Variants in NUP214 observed in about 807,000 individuals in gnomAD.
NUP214 encodes nuclear pore complex protein Nup214.
Under a neutral mutation model 196.2 loss-of-function variants are expected in NUP214, and 79 were observed. That is an observed-to-expected ratio of 0.40 (90% CI 0.34 to 0.49). The LOEUF is 0.49. NUP214 is among the 20% of genes least tolerant of loss of function. The pLI is 0.58. For missense variants in NUP214, 2,468 were observed against 2,539.0 expected (o/e 0.97, Z 0.60); for synonymous variants, 1,020 against 990.5 (o/e 1.03, Z -0.56).
rs551343822 is a variant in NUP214, at chr9:131,128,259, C to T, written c.242-73C>T. Reference sequence around the variant, plus strand: ...TGTAGATGCAAAAATTTTTTCACATCGAACTGGATAGAGGTTGTGGCTTTA... The same window carrying T: ...TGTAGATGCAAAAATTTTTTCACATTGAACTGGATAGAGGTTGTGGCTTTA... On this transcript the variant is annotated intron_variant, in intron 2 of 35. Transcript: ENST00000359428. 4.2e-6 allele frequency: 6 copies of T among 1,443,594 alleles called. No individual in the cohort carries two copies. The African/African-American group carries it at 5.7e-5, about 14-fold the overall frequency. The allele number at this position is 1,443,594 out of a possible 1,614,324, so 89.4% of individuals were successfully genotyped here.
chr9:131,185,854 C>T (rs996925610), intron 24 of NUP214, among the ~76,000 whole-genome samples: 4 of 152,106 alleles, frequency 2.6e-5, no homozygotes, highest in African/African-American at 9.7e-5. Flanking sequence ...ATAGAATTAT[C>T]ACAAATAAAT....
At chr9:131,224,801 C>T (rs1403723916) in intron 32 of NUP214, among the ~76,000 whole-genome samples, 1 of 152,154 alleles carries the variant, frequency 6.6e-6, no homozygotes, top group Admixed American at 6.5e-5. Flanking sequence ...AATGAAAGGG[C>T]CACAAGGCTT....
intron 30 of NUP214, 105 bp from the exon 31 acceptor site, chr9:131,215,107 T>C (rs1834353085): frequency 9.2e-7 from 1 of 1,082,172 alleles, no homozygotes; most frequent in South Asian, 2.3e-5. Flanking sequence ...TAATCTTGCT[T>C]TTTCCATTTG....
chr9:131,175,387 A>T (rs994782173), intron 22 of NUP214, 73 bp from the exon 23 acceptor site: 1 of 1,546,214 alleles, frequency 6.5e-7, no homozygotes, highest in African/African-American at 1.4e-5. Context: ...GAACATAAAG[A>T]ATTTACCAAT....
chr9:131,210,563 G>A (rs1312868417), intron 30 of NUP214, among the ~76,000 whole-genome samples: 1 of 150,900 alleles, frequency 6.6e-6, no homozygotes, highest in African/African-American at 2.5e-5. Context: ...GGAGGCAGAG[G>A]TTGTGGTGAG....
chr9:131,222,942 T>A lies in NUP214; in HGVS notation c.5902+12T>A, dbSNP rs767115891. On this transcript the variant is annotated intron_variant, in intron 32 of 35. Transcript: ENST00000359428. ...TCCAAACAAAACAGGTACTCCTATG[T>A]CTATTTGTTATGGTTATCTTTATAT... 7.4e-6 allele frequency: 12 copies of A among 1,611,238 alleles called. No homozygotes were observed. The African/African-American group carries it at 1.3e-4, about 18-fold the overall frequency.
At chr9:131,190,313 T>G in intron 26 of NUP214, 1 of 540,452 alleles carries the variant, frequency 1.9e-6, no homozygotes. Flanking sequence ...ATTGGAGAGG[T>G]TTTTGTCACT....
intron 23 of NUP214, among the ~76,000 whole-genome samples, chr9:131,175,971 C>T (rs906841734): frequency 2.0e-5 from 3 of 151,886 alleles, no homozygotes; most frequent in African/African-American, 7.3e-5. Flanking sequence ...ATAACACTAG[C>T]GTCATCTCTT....
chr9:131,185,845 T>A (rs574309677), intron 24 of NUP214, among the ~76,000 whole-genome samples: 1 of 152,324 alleles, frequency 6.6e-6, no homozygotes, highest in East Asian at 1.9e-4. Flanking sequence ...AGGAGATACA[T>A]AGAATTATCA....
rs554685715 is a variant in NUP214, at chr9:131,197,867, C to T, written c.4373C>T (p.Thr1458Ile). ...STVPPSAPPP[T>I]TAATPLPTSF... is the part of the protein sequence containing the mutation. Reference sequence around the variant, plus strand: ...GTGCCCCCATCTGCCCCACCACCAACTACAGCTGCCACTCCCCTTCCAACA... The same window carrying T: ...GTGCCCCCATCTGCCCCACCACCAATTACAGCTGCCACTCCCCTTCCAACA... Residue 1458 changes from threonine (T) to isoleucine (I), a missense_variant, in exon 29 of 36, where the codon ACT becomes ATT. By Grantham distance (89) the Thr-to-Ile change is moderately conservative. This residue lies in a region of NUP214 where 1,801 missense variants were observed against 1,779.4 expected (regional missense o/e 1.01). Transcript: ENST00000359428. 8.7e-5 allele frequency: 141 copies of T among 1,613,536 alleles called. No homozygotes were observed. Among genetic ancestry groups the T allele is most frequent in the Middle Eastern group, 1.6e-4 (1 of 6,084 alleles).
At chr9:131,186,224 G>A (rs1412713889) in intron 24 of NUP214, among the ~76,000 whole-genome samples, 1 of 152,202 alleles carries the variant, frequency 6.6e-6, no homozygotes, top group Non-Finnish European at 1.5e-5. Flanking sequence ...TTTCTCCAGA[G>A]AGATGCATAT....
chr9:131,143,246 G>A (rs763826977), intron 11 of NUP214, among the ~76,000 whole-genome samples: 42 of 152,074 alleles, frequency 2.8e-4, no homozygotes, highest in Non-Finnish European at 4.4e-4. Context: ...TGGACTCAAA[G>A]GGTCCTCCTG....
chr9:131,208,435 C>T (rs1036413463), intron 30 of NUP214, among the ~76,000 whole-genome samples: 1 of 152,232 alleles, frequency 6.6e-6, no homozygotes, highest in Non-Finnish European at 1.5e-5. Context: ...CAGTGGCTCA[C>T]GCCTGTAATC....
At position 131,178,602 on chromosome 9, in the gene NUP214, A is replaced by G. The variant is rs566422154; in HGVS notation, c.3419+192A>G. The stretch of plus-strand genomic sequence containing the variant: ...CTGTCCTTTTTAACTGGCCGGTGAC[A>G]GTTGCCTCACAAACTTTTAAAGTTT... On this transcript the variant is annotated intron_variant, in intron 24 of 35. Transcript: ENST00000359428. 4.6e-5 allele frequency among the ~76,000 whole-genome samples: 7 copies of G among 152,106 alleles called. No individual in the cohort carries two copies. The South Asian group carries it at 1.2e-3, about 27-fold the overall frequency.
At chr9:131,195,122 T>C (rs2131039263) in intron 27 of NUP214, 111 bp from the exon 28 acceptor site, 2 of 735,982 alleles carry the variant, frequency 2.7e-6, no homozygotes, top group Non-Finnish European at 2.3e-6. Flanking sequence ...ATCTTCTAGA[T>C]TGTAAATTCC....
chr9:131,176,341 T>C (rs1450422212), intron 23 of NUP214, among the ~76,000 whole-genome samples: 1 of 151,976 alleles, frequency 6.6e-6, no homozygotes, highest in East Asian at 1.9e-4. Flanking sequence ...TTTTTTCTTT[T>C]GAGACAGGGT....
chr9:131,131,565 G>T (rs773521851), intron 5 of NUP214, among the ~76,000 whole-genome samples: 2 of 152,146 alleles, frequency 1.3e-5, no homozygotes, highest in Non-Finnish European at 2.9e-5. Context: ...TTTCTTATTT[G>T]TTATTACCAA....
intron 30 of NUP214, among the ~76,000 whole-genome samples, chr9:131,212,712 C>A (rs1834279652): frequency 6.6e-6 from 1 of 152,132 alleles, no homozygotes; most frequent in African/African-American, 2.4e-5. Context: ...TAAACACTTA[C>A]TCCTTACTCC....
At chr9:131,219,776 T>C (rs1834507686) in intron 31 of NUP214, among the ~76,000 whole-genome samples, 2 of 152,232 alleles carry the variant, frequency 1.3e-5, no homozygotes, top group Admixed American at 6.5e-5. Context: ...AGAAGCCGTT[T>C]GATGATGATC....
Sources: allele counts gnomAD v4.1 joint callset (sites outside exome capture counted in the v4.1 genomes callset), GRCh38; gene constraint gnomAD v4.1.1; regional missense constraint gnomAD v4.1.1; transcripts MANE v1.5; gene names NCBI Gene and HGNC (gene_info 2026-07-23, HGNC 2026-07-21).